The following PARVA variants were observed in gnomAD, a reference collection of about 807,000 sequenced individuals.
PARVA encodes the protein alpha-parvin.
PARVA carries 25 observed loss-of-function variants against 52.6 expected under a neutral mutation model. That is an observed-to-expected ratio of 0.48 (90% CI 0.35 to 0.66). The LOEUF (loss-of-function observed/expected upper bound fraction) is 0.66, where lower values mean the gene tolerates loss of function less well. PARVA is among the 30% of genes least tolerant of loss of function. The probability of loss-of-function intolerance (pLI) is 0.01; values close to 1 mark genes in which losing one functional copy is unlikely to be tolerated. For missense variants in PARVA, 373 were observed against 450.9 expected (o/e 0.83, Z 1.56); for synonymous variants, 185 against 179.1 (o/e 1.03, Z -0.26).
chr11:12,456,339 CAAGTT>C (rs145661094), intron 1 of PARVA, among the ~76,000 whole-genome samples: 17,235 of 152,100 alleles, frequency 0.11, 1,059 homozygotes, highest in East Asian at 0.2. Context: ...AGAGGGGGAA[CAAGTT>C]AAGTAATAGT....
Position 12,508,564 on chromosome 11 carries a change from T to A in PARVA, c.658-20T>A. 2 of 1,577,528 alleles carry A rather than the reference T, an allele frequency of 1.3e-6. No individual in the cohort carries two copies. Among genetic ancestry groups the A allele is most frequent in the South Asian group, 1.1e-5 (1 of 90,012 alleles). On this transcript the variant is annotated intron_variant, in intron 6 of 12. Transcript: ENST00000334956. ...AGTTTTCTCTTCTCCTCCCAACCCC[T>A]TTCCCCACCCCCATTTCAGAAACGA...
chr11:12,396,900 TC>T (rs1390282611), intron 1 of PARVA, among the ~76,000 whole-genome samples: 1 of 139,642 alleles, frequency 7.2e-6, no homozygotes, highest in Non-Finnish European at 1.6e-5. Flanking sequence ...CTTCCTTTCT[TC>T]CTTTCTCCTT....
At chr11:12,492,825 A>C (rs1941249265) in intron 4 of PARVA, among the ~76,000 whole-genome samples, 1 of 135,344 alleles carries the variant, frequency 7.4e-6, no homozygotes, top group Non-Finnish European at 1.6e-5. Flanking sequence ...GTAATCAATT[A>C]GTAATACATA....
At chr11:12,434,190 T>G (rs1476990917) in intron 1 of PARVA, among the ~76,000 whole-genome samples, 1 of 152,104 alleles carries the variant, frequency 6.6e-6, no homozygotes, top group African/African-American at 2.4e-5. Flanking sequence ...GTAAGCAGTT[T>G]TTCCATCCTG....
intron 4 of PARVA, chr11:12,480,465 T>G (rs1473426194): frequency 6.6e-6 from 1 of 152,100 alleles, no homozygotes; most frequent in African/African-American, 2.4e-5. Flanking sequence ...AGCAGACATC[T>G]AGTCAGGATC....
intron 1 of PARVA, among the ~76,000 whole-genome samples, chr11:12,445,018 T>G (rs1940525349): frequency 6.6e-6 from 1 of 152,150 alleles, no homozygotes; most frequent in South Asian, 2.1e-4. Context: ...AGGGCTGTAC[T>G]TCTAGGAGGA....
intron 1 of PARVA, among the ~76,000 whole-genome samples, chr11:12,396,625 C>T (rs1939750832): frequency 6.6e-6 from 1 of 152,204 alleles, no homozygotes; most frequent in Admixed American, 6.5e-5. Context: ...CCTCAGTGGG[C>T]ATTCCAGAAA....
intron 10 of PARVA, among the ~76,000 whole-genome samples, chr11:12,515,915 CA>C (rs1338520073): frequency 6.6e-6 from 1 of 152,192 alleles, no homozygotes; most frequent in Non-Finnish European, 1.5e-5. Context: ...CGGCTTACTG[CA>C]TCCTCAACTT....
Position 12,496,522 on chromosome 11 carries a change from A to C in PARVA, c.465A>C (p.Gln155His). 1 of 1,610,394 alleles carries C rather than the reference A, an allele frequency of 6.2e-7. No homozygotes were observed. Among genetic ancestry groups the C allele is most frequent in the Non-Finnish European group, 8.5e-7 (1 of 1,178,436 alleles). Reference sequence around the variant, plus strand: ...CCCAGTCAGAGATTGCTCAGAAGCAAAAACTGCAGACTGTCCTGGAGAAGA... The same window carrying C: ...CCCAGTCAGAGATTGCTCAGAAGCACAAACTGCAGACTGTCCTGGAGAAGA... ...EVTQSEIAQK[Q>H]KLQTVLEKIN... Residue 155 changes from glutamine (Q) to histidine (H), a missense_variant, in exon 5 of 13, where the codon CAA becomes CAC. Transcript: ENST00000334956.
At chr11:12,393,184 A>G (rs1279450634) in intron 1 of PARVA, among the ~76,000 whole-genome samples, 2 of 152,102 alleles carry the variant, frequency 1.3e-5, no homozygotes, top group Non-Finnish European at 2.9e-5. Flanking sequence ...AACAATAATA[A>G]TGTAAGTGCA....
intron 1 of PARVA, among the ~76,000 whole-genome samples, chr11:12,414,251 CAA>C (rs1940033050): frequency 6.6e-6 from 1 of 152,126 alleles, no homozygotes; most frequent in Admixed American, 6.5e-5. Flanking sequence ...TAAATTAAAA[CAA>C]AAAGAGCTAG....
chr11:12,467,858 T>C (rs1419449123), intron 1 of PARVA, among the ~76,000 whole-genome samples: 2 of 152,182 alleles, frequency 1.3e-5, no homozygotes, highest in Non-Finnish European at 2.9e-5. Flanking sequence ...GGAGAATAGA[T>C]GAATTCAAGA....
At chr11:12,423,468 TA>T (rs1247058508) in intron 1 of PARVA, among the ~76,000 whole-genome samples, 1 of 151,884 alleles carries the variant, frequency 6.6e-6, no homozygotes, top group African/African-American at 2.4e-5. Flanking sequence ...AAAGAGACTT[TA>T]AATAGACTTT....
chr11:12,393,712 C>T (rs1329467435), intron 1 of PARVA, among the ~76,000 whole-genome samples: 2 of 152,128 alleles, frequency 1.3e-5, no homozygotes, highest in Non-Finnish European at 2.9e-5. Context: ...CACCTAAGTG[C>T]AAGAGAAATA....
At chr11:12,496,104 A>C (rs910490530) in intron 4 of PARVA, among the ~76,000 whole-genome samples, 1 of 152,244 alleles carries the variant, frequency 6.6e-6, no homozygotes, top group Non-Finnish European at 1.5e-5. Flanking sequence ...CTAACTCTAC[A>C]GAGAAGGCTT....
chr11:12,377,263 G>A (rs1230179314), upstream of PARVA: 1 of 459,716 alleles, frequency 2.2e-6, no homozygotes, highest in Non-Finnish European at 3.6e-6. Flanking sequence ...GGTTGGGTTG[G>A]TTCTCAGATG....
At position 12,486,139 on chromosome 11, in the gene PARVA, T is replaced by C. The variant is rs142958559; in HGVS notation, c.400+8190T>C. Among the ~76,000 whole-genome samples, 286 of 152,340 alleles carry C rather than the reference T, an allele frequency of 1.9e-3. 1 individual carries two copies. Among genetic ancestry groups the C allele is most frequent in the African/African-American group, 6.4e-3 (268 of 41,570 alleles). On this transcript the variant is annotated intron_variant, in intron 4 of 12. Transcript: ENST00000334956. ...TATGTACGATAGTAATGTGAGCTGT[T>C]AACAATAGGAGGGGAAACTGAGTTC... is the stretch of plus-strand genomic sequence containing the variant.
At chr11:12,505,648 G>C (rs1941423766) in intron 6 of PARVA, among the ~76,000 whole-genome samples, 1 of 152,144 alleles carries the variant, frequency 6.6e-6, no homozygotes, top group Non-Finnish European at 1.5e-5. Flanking sequence ...CTGGCCAAAA[G>C]GTCCTAAATG....
chr11:12,525,001 G>A (rs1005553798), intron 12 of PARVA, among the ~76,000 whole-genome samples: 1 of 152,206 alleles, frequency 6.6e-6, no homozygotes, highest in Non-Finnish European at 1.5e-5. Flanking sequence ...TCTGCAGGAG[G>A]ACCTAGAGCC....
Sources: gnomAD v4.1 joint callset for allele counts (sites outside exome capture counted in the v4.1 genomes callset) on GRCh38, gnomAD v4.1.1 for gene constraint, MANE v1.5 for transcripts, NCBI Gene and HGNC (gene_info 2026-07-23, HGNC 2026-07-21) for gene names.